CDH10: variants seen among roughly 807,000 people sequenced by gnomAD.
CDH10 encodes cadherin 10, also known as cadherin-10.
In CDH10, 30 loss-of-function variants were observed where a neutral mutation model predicts 73.1. The ratio of observed to expected loss-of-function variants is 0.41; its 90% CI spans 0.31 to 0.56. The LOEUF (loss-of-function observed/expected upper bound fraction) is 0.56. CDH10 is among the 20% of genes least tolerant of loss of function. The pLI, the probability that CDH10 is intolerant of heterozygous loss-of-function variation, is 0.27. For synonymous variants in CDH10, 345 were observed against 348.2 expected (o/e 0.99, Z 0.10); for missense variants, 815 against 973.7 (o/e 0.84, Z 2.17).
chr5:24,619,233 A>G (rs1284953806), intron 1 of CDH10, among the ~76,000 whole-genome samples: 2 of 151,776 alleles, frequency 1.3e-5, no homozygotes, highest in Non-Finnish European at 2.9e-5. Context: ...TCACTCTGCC[A>G]CCCAGGCTGG....
intron 2 of CDH10, among the ~76,000 whole-genome samples, chr5:24,553,283 G>C (rs1257057443): frequency 1.3e-5 from 2 of 151,926 alleles, no homozygotes; most frequent in African/African-American, 4.8e-5. Flanking sequence ...TTGTTCCTTG[G>C]TGTGTGTATG....
chr5:24,588,681 T>C (rs1746098516), intron 2 of CDH10, among the ~76,000 whole-genome samples: 1 of 152,158 alleles, frequency 6.6e-6, no homozygotes, highest in South Asian at 2.1e-4. Flanking sequence ...CAGTCTAACC[T>C]GGTGGACACA....
chr5:24,492,857 TA>T lies in CDH10; in HGVS notation c.1583del (p.Leu528Ter), dbSNP rs2111649740. On this transcript the variant is annotated frameshift_variant, in exon 10 of 12. Coordinates refer to ENST00000264463, the MANE Select transcript of CDH10 (RefSeq NM_006727.5). LOFTEE classifies it high-confidence loss of function. ...CTGTGAAGTTTGGATTGACAGCAGC[TA>T]AACTGAAAAAAAATTTCTGTCCACC... is the stretch of plus-strand genomic sequence containing the variant. ...PLGGQKFFFS[L>X]AAVNPNFTVQ... 6.3e-7 allele frequency: 1 copy of T among 1,581,224 alleles called. No individual in the cohort carries two copies. The highest frequency in any genetic ancestry group is 8.7e-7 in the Non-Finnish European group (1 of 1,150,356).
chr5:24,631,580 C>T lies in CDH10; in HGVS notation c.-124+13014G>A, dbSNP rs187595871. ...TAATACCCAGTGAAAGAGTACTCAC[C>T]TTTCAAGTCCCTCTTCAGCTTCCCA... On this transcript the variant is annotated intron_variant, in intron 1 of 11. Transcript: ENST00000264463. Among the ~76,000 whole-genome samples, 4 of 152,056 alleles carry T rather than the reference C, an allele frequency of 2.6e-5. No individual in the cohort carries two copies. In the East Asian group the frequency reaches 7.8e-4, roughly 30 times the overall value.
chr5:24,585,704 A>G (rs560821267), intron 2 of CDH10, among the ~76,000 whole-genome samples: 120 of 152,318 alleles, frequency 7.9e-4, no homozygotes, highest in African/African-American at 2.8e-3. Flanking sequence ...GATGACAGGC[A>G]TGAGCCACCG....
intron 5 of CDH10, among the ~76,000 whole-genome samples, chr5:24,531,628 T>C (rs1743756167): frequency 1.3e-5 from 2 of 151,914 alleles, no homozygotes; most frequent in Non-Finnish European, 2.9e-5. Context: ...TACCATCGGA[T>C]CTCATGAGAC....
At chr5:24,579,294 G>A (rs549145939) in intron 2 of CDH10, among the ~76,000 whole-genome samples, 10 of 151,466 alleles carry the variant, frequency 6.6e-5, no homozygotes, top group Middle Eastern at 3.5e-3. Context: ...TTTCTTATTC[G>A]ATATTGTATT....
chr5:24,550,467 C>T (rs1744504315), intron 2 of CDH10, among the ~76,000 whole-genome samples: 1 of 152,040 alleles, frequency 6.6e-6, no homozygotes. Flanking sequence ...TACTAGGATT[C>T]CATAAATGTC....
chr5:24,637,910 C>T (rs996409126), intron 1 of CDH10, among the ~76,000 whole-genome samples: 4 of 150,886 alleles, frequency 2.7e-5, no homozygotes, highest in Non-Finnish European at 3.0e-5. Context: ...CTCCCTCATC[C>T]ACACTTTTTT....
intron 2 of CDH10, among the ~76,000 whole-genome samples, chr5:24,580,459 TAA>T (rs1310058350): frequency 6.6e-6 from 1 of 152,164 alleles, no homozygotes; most frequent in Non-Finnish European, 1.5e-5. Flanking sequence ...AAGAATTTAC[TAA>T]AGATATTCTA....
At chr5:24,573,608 G>A (rs2112030817) in intron 2 of CDH10, among the ~76,000 whole-genome samples, 1 of 150,902 alleles carries the variant, frequency 6.6e-6, no homozygotes, top group East Asian at 2.0e-4. Context: ...GGCTGAGGCA[G>A]GAGAATGGCG....
At chr5:24,592,114 AT>A (rs1207251361) in intron 2 of CDH10, among the ~76,000 whole-genome samples, 1 of 151,836 alleles carries the variant, frequency 6.6e-6, no homozygotes, top group Non-Finnish European at 1.5e-5. Context: ...TCAACATGAT[AT>A]TTAACCTTTA....
chr5:24,598,929 G>A (rs1233691505), intron 1 of CDH10, among the ~76,000 whole-genome samples: 2 of 152,080 alleles, frequency 1.3e-5, no homozygotes, highest in Non-Finnish European at 2.9e-5. Context: ...TGGGGTCAGT[G>A]GGTAGATAAA....
intron 2 of CDH10, among the ~76,000 whole-genome samples, chr5:24,576,046 G>A (rs1486555270): frequency 6.6e-6 from 1 of 151,872 alleles, no homozygotes; most frequent in African/African-American, 2.4e-5. Flanking sequence ...CCTGCATATC[G>A]GTTTCCTACA....
chr5:24,543,343 T>A (rs1200782132), intron 2 of CDH10, among the ~76,000 whole-genome samples: 3 of 152,206 alleles, frequency 2.0e-5, no homozygotes. Context: ...ATTAGAATTA[T>A]GTTTGTAATA....
At chr5:24,556,025 G>A (rs1744757166) in intron 2 of CDH10, among the ~76,000 whole-genome samples, 1 of 152,130 alleles carries the variant, frequency 6.6e-6, no homozygotes, top group African/African-American at 2.4e-5. Context: ...TAGCAGAGGT[G>A]GGTGTAAAGG....
chr5:24,537,777 G>A (rs981171698), intron 2 of CDH10, 103 bp from the exon 3 acceptor site: 7 of 672,862 alleles, frequency 1.0e-5, no homozygotes, highest in Non-Finnish European at 1.5e-5. Context: ...GAGCAACGGG[G>A]TCGGCTATCC....
chr5:24,589,555 C>A (rs1050574064), intron 2 of CDH10, among the ~76,000 whole-genome samples: 8 of 150,818 alleles, frequency 5.3e-5, no homozygotes, highest in Admixed American at 5.3e-4. Context: ...CTGTTTTTAA[C>A]ATGCTTTTTA....
chr5:24,550,297 A>G (rs910687931), intron 2 of CDH10, among the ~76,000 whole-genome samples: 1 of 152,118 alleles, frequency 6.6e-6, no homozygotes, highest in African/African-American at 2.4e-5. Flanking sequence ...CAAAGTTACC[A>G]TCTTTCATGT....
Sources: gnomAD v4.1 joint callset for allele counts (sites outside exome capture counted in the v4.1 genomes callset) on GRCh38, gnomAD v4.1.1 for gene constraint, MANE v1.5 for transcripts, NCBI Gene and HGNC (gene_info 2026-07-23, HGNC 2026-07-21) for gene names.